CEP57L1: variants seen among roughly 807,000 people sequenced by gnomAD.
CEP57L1 encodes centrosomal protein CEP57L1.
CEP57L1 carries 37 observed loss-of-function variants against 61.0 expected under a neutral mutation model. That is an observed-to-expected ratio of 0.61 (90% CI 0.47 to 0.80). CEP57L1 has a LOEUF of 0.80. CEP57L1 is among the 30% of genes least tolerant of loss of function. The pLI is 0.00. For synonymous variants in CEP57L1, 137 were observed against 162.3 expected, an observed-to-expected ratio of 0.84 and a Z score of 1.19; for missense variants, 422 against 524.7, an observed-to-expected ratio of 0.80 and a Z score of 1.91.
At chr6:109,126,210 G>C (rs938905173) in intron 1 of CEP57L1, among the ~76,000 whole-genome samples, 1 of 152,150 alleles carries the variant, frequency 6.6e-6, no homozygotes, top group African/African-American at 2.4e-5. Context: ...TGCCCTTTCT[G>C]AGTTTATGTT....
At position 109,174,170 on chromosome 6, in the gene CEP57L1, A is replaced by G. The variant is rs1400602937; in HGVS notation, c.*11200A>G. Among the ~76,000 whole-genome samples, 1 of 151,608 alleles carries G rather than the reference A, an allele frequency of 6.6e-6. No homozygotes were observed. Among genetic ancestry groups the G allele is most frequent in the African/African-American group, 2.4e-5 (1 of 41,266 alleles). Reference sequence around the variant, plus strand: ...AGTGTTAGGAGATAGGGCCTAATGGATATAAATTACAGTGTCTAAGATGGA... The same window carrying G: ...AGTGTTAGGAGATAGGGCCTAATGGGTATAAATTACAGTGTCTAAGATGGA... On this transcript the variant is annotated 3_prime_UTR_variant, in exon 11 of 11. Coordinates refer to ENST00000517392, the MANE Select transcript of CEP57L1 (RefSeq NM_001271852.3).
At chr6:109,155,427 G>A (rs1321158740) in intron 6 of CEP57L1, 120 bp downstream of exon 6, 16 of 536,826 alleles carry the variant, frequency 3.0e-5, no homozygotes, top group South Asian at 1.4e-4. Flanking sequence ...TTGTCTTTTC[G>A]TTACAATAAT....
chr6:109,154,900 A>G (rs971599207), intron 5 of CEP57L1, among the ~76,000 whole-genome samples: 2 of 152,088 alleles, frequency 1.3e-5, no homozygotes, highest in Non-Finnish European at 2.9e-5. Flanking sequence ...ACCCAAGACT[A>G]TAATTGTTTG....
At chr6:109,108,301 C>T (rs1228889250) in intron 1 of CEP57L1, among the ~76,000 whole-genome samples, 1 of 149,892 alleles carries the variant, frequency 6.7e-6, no homozygotes, top group Non-Finnish European at 1.5e-5. Context: ...AGTGCAGTGG[C>T]GCGATCTCAG....
chr6:109,155,366 A>T, intron 6 of CEP57L1, 59 bp downstream of exon 6: 1 of 906,594 alleles, frequency 1.1e-6, no homozygotes, highest in East Asian at 3.0e-5. Context: ...TTATATTTTT[A>T]TTTTCATTAA....
At chr6:109,112,713 T>C (rs1278292958) in intron 1 of CEP57L1, among the ~76,000 whole-genome samples, 1 of 152,228 alleles carries the variant, frequency 6.6e-6, no homozygotes, top group African/African-American at 2.4e-5. Flanking sequence ...ACGTTGTGTC[T>C]TTGTTCTCAT....
At chr6:109,161,866 A>T (rs1386506755) in intron 10 of CEP57L1, among the ~76,000 whole-genome samples, 2 of 152,148 alleles carry the variant, frequency 1.3e-5, no homozygotes, top group Non-Finnish European at 2.9e-5. Context: ...AATATCTGTA[A>T]TAAAAATTGA....
rs1782078017 is a variant in CEP57L1, at chr6:109,099,214, G to A, written c.-4+3639G>A. Among the ~76,000 whole-genome samples, 3 of 152,262 alleles carry A rather than the reference G, an allele frequency of 2.0e-5. No individual in the cohort carries two copies. The South Asian group carries it at 6.2e-4, about 32-fold the overall frequency. Reference sequence around the variant, plus strand: ...AGATATAATTTTGGATTTTATAGTAGTGTTTTGATAGGAGTTGTTGATATC... The same window carrying A: ...AGATATAATTTTGGATTTTATAGTAATGTTTTGATAGGAGTTGTTGATATC... On this transcript the variant is annotated intron_variant, in intron 1 of 10. Transcript: ENST00000517392.
At chr6:109,137,113 A>C (rs1415170495) in intron 1 of CEP57L1, among the ~76,000 whole-genome samples, 1 of 152,154 alleles carries the variant, frequency 6.6e-6, no homozygotes, top group African/African-American at 2.4e-5. Context: ...TGTATTCTAG[A>C]AGTATAGTAA....
intron 1 of CEP57L1, among the ~76,000 whole-genome samples, chr6:109,119,275 T>C (rs761418985): frequency 2.0e-5 from 3 of 152,190 alleles, no homozygotes; most frequent in African/African-American, 2.4e-5. Context: ...TAGATCACTC[T>C]AGGGGCACAG....
chr6:109,095,801 A>G (rs994498215), intron 1 of CEP57L1, among the ~76,000 whole-genome samples: 1 of 152,164 alleles, frequency 6.6e-6, no homozygotes, highest in Non-Finnish European at 1.5e-5. Flanking sequence ...GAGCGGCCTA[A>G]GTAAGGCCAA....
intron 1 of CEP57L1, among the ~76,000 whole-genome samples, chr6:109,098,676 G>C (rs1782010650): frequency 1.3e-5 from 2 of 151,724 alleles, no homozygotes. Flanking sequence ...GTAGAGACAG[G>C]ATCTCACTGT....
In CEP57L1 at chr6:109,167,368, A is replaced by G. The variant is rs143901895; in HGVS notation, c.*4398A>G. 1.4e-3 allele frequency among the ~76,000 whole-genome samples: 210 copies of G among 151,940 alleles called. No homozygotes were observed. Among genetic ancestry groups the G allele is most frequent in the African/African-American group, 4.8e-3 (201 of 41,452 alleles). ...GGTAGGTTTATTGGGAGTGTTCTCCATATTGATATAGATGGATCCATTTCC... is the reference window on the plus strand; with the variant it reads ...GGTAGGTTTATTGGGAGTGTTCTCCGTATTGATATAGATGGATCCATTTCC... On this transcript the variant is annotated 3_prime_UTR_variant, in exon 11 of 11. Coordinates refer to ENST00000517392, the MANE Select transcript of CEP57L1 (RefSeq NM_001271852.3).
intron 1 of CEP57L1, among the ~76,000 whole-genome samples, chr6:109,104,233 A>C (rs1770655390): frequency 6.6e-6 from 1 of 151,728 alleles, no homozygotes; most frequent in Non-Finnish European, 1.5e-5. Context: ...CTTGTTTTCA[A>C]ATTTTAGCTG....
intron 1 of CEP57L1, among the ~76,000 whole-genome samples, chr6:109,134,146 C>T (rs1376878723): frequency 2.0e-5 from 3 of 152,050 alleles, no homozygotes; most frequent in Non-Finnish European, 2.9e-5. Context: ...TGATGAACAT[C>T]GATGCAGAAA....
chr6:109,160,897 C>A (rs996988045), intron 10 of CEP57L1, 181 bp downstream of exon 10: 6 of 456,762 alleles, frequency 1.3e-5, no homozygotes, highest in African/African-American at 1.2e-4. Context: ...ACATGGACCT[C>A]CTACATAACT....
chr6:109,108,091 A>G (rs1305788824), intron 1 of CEP57L1, among the ~76,000 whole-genome samples: 2 of 152,222 alleles, frequency 1.3e-5, no homozygotes, highest in Admixed American at 1.3e-4. Context: ...GCTACTAATT[A>G]GGACAAGATC....
chr6:109,100,629 C>G (rs980960258), intron 1 of CEP57L1, among the ~76,000 whole-genome samples: 6 of 132,720 alleles, frequency 4.5e-5, no homozygotes, highest in Non-Finnish European at 9.3e-5. Flanking sequence ...GAGCTGAGAT[C>G]GTTCCATTGC....
intron 5 of CEP57L1, among the ~76,000 whole-genome samples, chr6:109,154,168 T>G (rs1340648602): frequency 6.6e-6 from 1 of 152,232 alleles, no homozygotes; most frequent in Non-Finnish European, 1.5e-5. Flanking sequence ...TTTTGACTTC[T>G]AATATGGCAG....
Sources: gnomAD v4.1 joint callset for allele counts (sites outside exome capture counted in the v4.1 genomes callset) on GRCh38, gnomAD v4.1.1 for gene constraint, MANE v1.5 for transcripts, NCBI Gene and HGNC (gene_info 2026-07-23, HGNC 2026-07-21) for gene names.